Variants in EGFL6 observed in about 807,000 individuals in gnomAD.
EGFL6 encodes EGF like domain multiple 6, also known as epidermal growth factor-like protein 6.
EGFL6 carries 42 observed loss-of-function variants against 43.1 expected under a neutral mutation model. The ratio of observed to expected loss-of-function variants is 0.98; its 90% CI spans 0.76 to 1.26. EGFL6 has a LOEUF of 1.26. Among genes scored for constraint, EGFL6 ranks in the 50% most tolerant of loss-of-function variants. EGFL6 has a pLI of 0.00. For missense variants in EGFL6, 429 were observed against 427.8 expected (o/e 1.00, Z -0.02); for synonymous variants, 164 against 163.2 (o/e 1.01, Z -0.04).
intron 1 of EGFL6, among the ~76,000 whole-genome samples, chrX:13,572,174 A>G (rs1416412220): frequency 9.0e-6 from 1 of 111,674 alleles, no homozygotes; most frequent in Non-Finnish European, 1.9e-5. Flanking sequence ...GGAACTATTT[A>G]GATACCCTAG....
At chrX:13,629,369 T>C (rs925646213) in intron 11 of EGFL6, among the ~76,000 whole-genome samples, 16 of 111,867 alleles carry the variant, frequency 1.4e-4, no homozygotes, top group African/African-American at 5.2e-4. Context: ...GAGAATATTT[T>C]TAATATAACA....
At chrX:13,626,953 A>C in intron 10 of EGFL6, 58 bp from the exon 11 acceptor site, 3 of 1,149,131 alleles carry the variant, frequency 2.6e-6, no homozygotes, top group Non-Finnish European at 3.5e-6. Context: ...TTTATACATT[A>C]AAGCCAAACT....
intron 10 of EGFL6, 117 bp from the exon 11 acceptor site, chrX:13,626,891 AAGG>A (rs1329800729): frequency 1.3e-6 from 1 of 766,698 alleles, no homozygotes; most frequent in African/African-American, 2.1e-5. Context: ...TCAAAATGAA[AAGG>A]ACTTCAGCTT....
chrX:13,622,246 A>T (rs2045752660), intron 9 of EGFL6, among the ~76,000 whole-genome samples: 1 of 112,121 alleles, frequency 8.9e-6, no homozygotes, highest in Non-Finnish European at 1.9e-5. Context: ...GTATGTGCTC[A>T]CTTAGGATAT....
intron 3 of EGFL6, among the ~76,000 whole-genome samples, chrX:13,595,806 G>A (rs2045594006): frequency 9.3e-6 from 1 of 108,059 alleles, no homozygotes; most frequent in South Asian, 4.1e-4. Context: ...TGCAGCCTCA[G>A]CCACCTGGGC....
chrX:13,615,178 A>G (rs1286145597), intron 7 of EGFL6, among the ~76,000 whole-genome samples: 1 of 112,913 alleles, frequency 8.9e-6, no homozygotes, highest in African/African-American at 3.2e-5. Context: ...ATGCATATGC[A>G]TATCATTAAA....
At chrX:13,589,696 A>G in intron 2 of EGFL6, 28 bp downstream of exon 2, 1 of 1,153,559 alleles carries the variant, frequency 8.7e-7, no homozygotes, top group Non-Finnish European at 1.2e-6. Flanking sequence ...CAGACCCTGC[A>G]CTTGGATCAG....
At chrX:13,621,234 T>C (rs925799920) in intron 9 of EGFL6, among the ~76,000 whole-genome samples, 1 of 112,127 alleles carries the variant, frequency 8.9e-6, no homozygotes, top group Non-Finnish European at 1.9e-5. Flanking sequence ...GAGGCAATAA[T>C]GGGTATGTTA....
chrX:13,571,916 G>C (rs2045445301), intron 1 of EGFL6, among the ~76,000 whole-genome samples: 1 of 112,092 alleles, frequency 8.9e-6, no homozygotes, highest in African/African-American at 3.2e-5. Context: ...ATTTCCTGGG[G>C]TTTCACAACT....
In EGFL6 at chrX:13,589,783, AACT is replaced by A. The variant is rs1389660460; in HGVS notation, c.187+118_187+120del. On this transcript the variant is annotated intron_variant, in intron 2 of 11. Coordinates refer to ENST00000361306, the MANE Select transcript of EGFL6 (RefSeq NM_015507.4). ...GGATCTCTCAGGCAAGGACATGCATAACTACCAATAACCAAGGTCTGGGTTCCT... is the reference window on the plus strand; with the variant it reads ...GGATCTCTCAGGCAAGGACATGCATAACCAATAACCAAGGTCTGGGTTCCT... The A allele has an allele frequency of 5.2e-5, 26 of 504,644 alleles. 1 individual carries two copies. Among genetic ancestry groups the A allele is most frequent in the Non-Finnish European group, 7.5e-5 (24 of 318,191 alleles). The allele number at this position is 504,644 out of a possible 1,213,427, so 41.6% of individuals were successfully genotyped here.
chrX:13,596,372 C>T (rs752169508), intron 3 of EGFL6: 6 of 111,234 alleles, frequency 5.4e-5, no homozygotes, highest in East Asian at 5.7e-4. Flanking sequence ...GCTGCGCGCT[C>T]GTGTGGAGAG....
chrX:13,615,491 G>C (rs2045713505), intron 7 of EGFL6, among the ~76,000 whole-genome samples: 1 of 111,810 alleles, frequency 8.9e-6, no homozygotes, highest in Admixed American at 9.5e-5. Context: ...ACCATGGATG[G>C]AATTACAGTG....
At chrX:13,593,545 G>C (rs769366021) in intron 2 of EGFL6, among the ~76,000 whole-genome samples, 2 of 111,808 alleles carry the variant, frequency 1.8e-5, no homozygotes, top group African/African-American at 6.5e-5. Flanking sequence ...ACCAGAGTTT[G>C]TCCTGCCAAG....
At chrX:13,597,728 G>C (rs1446202902) in intron 3 of EGFL6, among the ~76,000 whole-genome samples, 1 of 111,166 alleles carries the variant, frequency 9.0e-6, no homozygotes, top group Non-Finnish European at 1.9e-5. Flanking sequence ...AGGTTGCAGT[G>C]AGCTGAGATC....
At chrX:13,617,097 TG>T (rs1462757207) in intron 7 of EGFL6, among the ~76,000 whole-genome samples, 1 of 111,696 alleles carries the variant, frequency 9.0e-6, no homozygotes. Flanking sequence ...ACTTTTGTGG[TG>T]GGAAATAGAA....
intron 11 of EGFL6, among the ~76,000 whole-genome samples, chrX:13,630,917 C>T (rs1421274958): frequency 8.9e-6 from 1 of 111,989 alleles, no homozygotes; most frequent in Non-Finnish European, 1.9e-5. Flanking sequence ...CTTTAAAATG[C>T]CAATTTATAC....
chrX:13,581,772 G>C (rs945730678), intron 1 of EGFL6, among the ~76,000 whole-genome samples: 6 of 112,087 alleles, frequency 5.4e-5, no homozygotes, highest in Non-Finnish European at 1.1e-4. Flanking sequence ...TGATTAATTT[G>C]ATCAATGTAG....
intron 11 of EGFL6, among the ~76,000 whole-genome samples, chrX:13,632,593 C>T (rs368955584): frequency 1.7e-4 from 19 of 110,833 alleles, no homozygotes; most frequent in African/African-American, 5.9e-4. Flanking sequence ...TGTGAGCCAC[C>T]GTGCCCGGCC....
rs2045661042 is a variant in EGFL6 at position 13,606,453 on chromosome X, T to C, written c.595T>C (p.Tyr199His). 1.7e-6 allele frequency: 2 copies of C among 1,208,264 alleles called. No homozygotes were observed. Among genetic ancestry groups the C allele is most frequent in the Non-Finnish European group, 2.2e-6 (2 of 893,329 alleles). ...RRCVNTFGSYYCKCHIGFELQ... is the reference protein window; with the variant it reads ...RRCVNTFGSYHCKCHIGFELQ... ...ATGTGTGAACACATTTGGAAGCTAC[T>C]ACTGCAAATGTCACATTGGTTTCGA... is the stretch of plus-strand genomic sequence containing the variant. Residue 199 changes from tyrosine to histidine, a missense_variant, in exon 6 of 12, where the codon TAC becomes CAC. Coordinates refer to ENST00000361306, the MANE Select transcript of EGFL6 (RefSeq NM_015507.4).
Sources: allele counts gnomAD v4.1 joint callset (sites outside exome capture counted in the v4.1 genomes callset), GRCh38; gene constraint gnomAD v4.1.1; transcripts MANE v1.5; gene names NCBI Gene and HGNC (gene_info 2026-07-23, HGNC 2026-07-21).